The following CRIM1 variants were observed in gnomAD, a reference collection of about 807,000 sequenced individuals.
CRIM1 encodes the protein cysteine-rich motor neuron 1 protein.
In CRIM1, 32 loss-of-function variants were observed where a neutral mutation model predicts 116.4. The observed-to-expected ratio is 0.27, with a 90% CI of 0.21 to 0.37. The LOEUF (loss-of-function observed/expected upper bound fraction) is 0.37. Ranked by LOEUF, CRIM1 falls within the 10% of genes least tolerant of loss-of-function variation. CRIM1 has a pLI of 1.00. For synonymous variants in CRIM1, 590 were observed against 509.2 expected, an observed-to-expected ratio of 1.16 and a Z score of -2.13; for missense variants, 1,331 against 1,354.8, an observed-to-expected ratio of 0.98 and a Z score of 0.28.
At position 36,442,664 on chromosome 2, in the gene CRIM1, C is replaced by T. The variant is rs146751686; in HGVS notation, c.798C>T (p.Thr266=). The T allele has an allele frequency of 9.0e-5, 146 of 1,614,058 alleles. No homozygotes were observed. In the East Asian group the frequency reaches 2.0e-3, roughly 22 times the overall value. ...RTVECPPVQQ[T]ACPPDSYETQ... The stretch of plus-strand genomic sequence containing the variant: ...TGGAATGCCCTCCTGTTCAGCAGAC[C>T]GCGTGTCCCCCGGACAGCTATGAAA... Residue 266 remains threonine (T), a synonymous_variant, in exon 4 of 17, where the codon ACC becomes ACT. Coordinates refer to ENST00000280527, the MANE Select transcript of CRIM1 (RefSeq NM_016441.3).
chr2:36,490,710 T>G (rs1445367455), intron 7 of CRIM1, among the ~76,000 whole-genome samples: 1 of 152,122 alleles, frequency 6.6e-6, no homozygotes, highest in Non-Finnish European at 1.5e-5. Context: ...ACTTGTTTAT[T>G]CCTGCATCCT....
intron 4 of CRIM1, among the ~76,000 whole-genome samples, chr2:36,446,622 C>T (rs555381560): frequency 8.2e-4 from 125 of 152,278 alleles, no homozygotes; most frequent in Middle Eastern, 3.4e-3. Context: ...TAATTTTTAA[C>T]CATTATTTGA....
chr2:36,513,905 C>T, intron 11 of CRIM1, 140 bp downstream of exon 11: 1 of 685,294 alleles, frequency 1.5e-6, no homozygotes, highest in Non-Finnish European at 2.5e-6. Context: ...TTTTGTCAAC[C>T]ACCACCACAG....
chr2:36,534,642 G>A (rs1355996401), intron 13 of CRIM1, among the ~76,000 whole-genome samples: 1 of 149,606 alleles, frequency 6.7e-6, no homozygotes, highest in Admixed American at 6.7e-5. Flanking sequence ...AGACAGGAAG[G>A]GAAAGGAAGG....
intron 2 of CRIM1, among the ~76,000 whole-genome samples, chr2:36,427,157 C>T (rs888879473): frequency 6.6e-6 from 1 of 150,938 alleles, no homozygotes; most frequent in Non-Finnish European, 1.5e-5. Flanking sequence ...GCCGAGATCG[C>T]ACCACTGCAC....
At chr2:36,420,629 A>C (rs1673983151) in intron 2 of CRIM1, among the ~76,000 whole-genome samples, 2 of 152,150 alleles carry the variant, frequency 1.3e-5, no homozygotes, top group African/African-American at 4.8e-5. Flanking sequence ...AACTCTTTTC[A>C]AAAGTTCAGG....
In CRIM1 at chr2:36,473,348, A is replaced by C. The variant is rs554703597; in HGVS notation, c.992-3541A>C. Among the ~76,000 whole-genome samples, 5 of 152,246 alleles carry C rather than the reference A, an allele frequency of 3.3e-5. No individual in the cohort carries two copies. The East Asian group carries it at 9.7e-4, about 29-fold the overall frequency. On this transcript the variant is annotated intron_variant, in intron 5 of 16. Transcript: ENST00000280527. ...GGAGAACTTTCTTCAGCTTGGGAGT[A>C]CTTTTTTTAAAAATAGCTTTAGGAG...
chr2:36,456,790 A>C (rs1572774944), intron 4 of CRIM1, among the ~76,000 whole-genome samples: 3 of 146,466 alleles, frequency 2.0e-5, no homozygotes, highest in Admixed American at 6.8e-5. Context: ...CCCCCCCACC[A>C]CCCACCGCTG....
intron 12 of CRIM1, among the ~76,000 whole-genome samples, chr2:36,518,260 T>C (rs1234141588): frequency 6.6e-6 from 1 of 152,256 alleles, no homozygotes; most frequent in African/African-American, 2.4e-5. Context: ...TCAAAAGATA[T>C]TTAAATATAA....
At chr2:36,474,363 T>G (rs1222326288) in intron 5 of CRIM1, among the ~76,000 whole-genome samples, 1 of 152,186 alleles carries the variant, frequency 6.6e-6, no homozygotes, top group African/African-American at 2.4e-5. Context: ...TTGCTTATGC[T>G]TTGAATGTCA....
At chr2:36,509,944 C>T (rs2125106184) in intron 8 of CRIM1, 39 bp from the exon 9 acceptor site, 2 of 1,598,222 alleles carry the variant, frequency 1.3e-6, no homozygotes, top group South Asian at 2.3e-5. Flanking sequence ...CTGCTCTGTT[C>T]ATCTTTGGAA....
At chr2:36,534,599 G>A (rs1666392507) in intron 13 of CRIM1, among the ~76,000 whole-genome samples, 1 of 144,762 alleles carries the variant, frequency 6.9e-6, no homozygotes, top group Non-Finnish European at 1.5e-5. Context: ...CAGGAAGAGG[G>A]AGGGAGGGAC....
rs775086985 is a variant in CRIM1 at position 36,546,763 on chromosome 2, A to ATT, written c.2747-195_2747-194dup. Among the ~76,000 whole-genome samples, 203 of 101,834 alleles carry ATT rather than the reference A, an allele frequency of 2.0e-3. 10 individuals carry two copies. The highest frequency in any genetic ancestry group is 7.2e-3 in the East Asian group (21 of 2,928). The allele number at this position is 101,834 out of a possible 152,430, so 66.8% of individuals were successfully genotyped here. On this transcript the variant is annotated intron_variant, in intron 15 of 16. Transcript: ENST00000280527. ...CCCAATTATTAAGATTCTCACTCTG[A>ATT]TTTTTTTTTTTTTTTTTTTTTTTTT...
chr2:36,510,197 T>C, intron 9 of CRIM1, 58 bp downstream of exon 9: 1 of 1,513,696 alleles, frequency 6.6e-7, no homozygotes, highest in South Asian at 1.2e-5. Context: ...GAAATGTTTC[T>C]ACACATTTTG....
At chr2:36,362,731 A>T (rs768651051) in intron 1 of CRIM1, among the ~76,000 whole-genome samples, 17 of 152,198 alleles carry the variant, frequency 1.1e-4, no homozygotes, top group Non-Finnish European at 2.2e-4. Flanking sequence ...GGTAAACACT[A>T]AACTCTTACG....
chr2:36,491,077 A>G (rs1031589996), intron 7 of CRIM1, among the ~76,000 whole-genome samples: 11 of 152,214 alleles, frequency 7.2e-5, no homozygotes, highest in African/African-American at 2.2e-4. Flanking sequence ...AGCTGTTTTC[A>G]GGATTATTTT....
Position 36,486,835 on chromosome 2 carries a change from A to T in CRIM1, c.1372+7141A>T, listed in dbSNP as rs143865055. 3.1e-3 allele frequency among the ~76,000 whole-genome samples: 465 copies of T among 152,292 alleles called. 7 individuals are homozygous for T. Among genetic ancestry groups the T allele is most frequent in the African/African-American group, 0.011 (447 of 41,568 alleles). ...AAAATATTTAGTCATTCTTGAAATG[A>T]TAGGAATGTTTTTCCAACAAGCTTA... On this transcript the variant is annotated intron_variant, in intron 7 of 16. Coordinates refer to ENST00000280527, the MANE Select transcript of CRIM1 (RefSeq NM_016441.3).
At chr2:36,486,965 C>G (rs927611368) in intron 7 of CRIM1, among the ~76,000 whole-genome samples, 4 of 152,152 alleles carry the variant, frequency 2.6e-5, no homozygotes, top group African/African-American at 9.7e-5. Flanking sequence ...ACATGCCCTT[C>G]AGAAAAGGCC....
chr2:36,497,674 C>G (rs1680695048), intron 7 of CRIM1, among the ~76,000 whole-genome samples: 1 of 152,140 alleles, frequency 6.6e-6, no homozygotes, highest in Admixed American at 6.5e-5. Flanking sequence ...AGATGCTGTT[C>G]TTTGTAATAA....
Sources: allele counts gnomAD v4.1 joint callset (sites outside exome capture counted in the v4.1 genomes callset), GRCh38; gene constraint gnomAD v4.1.1; transcripts MANE v1.5; gene names NCBI Gene and HGNC (gene_info 2026-07-23, HGNC 2026-07-21).